NBL1: variants seen among roughly 807,000 people sequenced by gnomAD.
NBL1 encodes the protein NBL1, DAN family BMP antagonist.
NBL1 carries 9 observed loss-of-function variants against 16.0 expected under a neutral mutation model. The ratio of observed to expected loss-of-function variants is 0.56; its 90% CI spans 0.34 to 0.98. The LOEUF is 0.98. Ranked by LOEUF, NBL1 falls within the 50% of genes least tolerant of loss-of-function variation. NBL1 has a pLI of 0.02. For synonymous variants in NBL1, 86 were observed against 100.7 expected (o/e 0.85, Z 0.87); for missense variants, 196 against 243.1 (o/e 0.81, Z 1.29).
intron 1 of NBL1, among the ~76,000 whole-genome samples, chr1:19,651,980 T>C (rs1351916432): frequency 1.3e-5 from 2 of 152,178 alleles, no homozygotes; most frequent in African/African-American, 2.4e-5. Context: ...TGAGTTCAAG[T>C]GGTCCTCCCG....
intron 1 of NBL1, among the ~76,000 whole-genome samples, chr1:19,647,882 T>TGTGTGTGTGTGTGTGTGC (rs1273943458): frequency 2.2e-5 from 3 of 137,082 alleles, no homozygotes; most frequent in Non-Finnish European, 4.7e-5. Flanking sequence ...TGTGTGTGTG[T>TGTGTGTGTGTGTGTGTGC]GCGTGTGCGC....
chr1:19,657,165 G>A lies in NBL1; in HGVS notation c.*36G>A, dbSNP rs1048720493. 5.2e-6 allele frequency: 5 copies of A among 964,148 alleles called. No individual in the cohort carries two copies. In the African/African-American group the frequency reaches 6.6e-5, roughly 13 times the overall value. 59.7% of individuals were successfully genotyped at this position (964,148 alleles called of 1,614,324 possible). A position where few individuals can be genotyped will look rare whatever the true frequency, so the allele number is the denominator to read the frequency against. The stretch of plus-strand genomic sequence containing the variant: ...ACTCTTCCTCCCCTCTCATCCCCCT[G>A]TGGAATGTTGGGTCTCACTCTCTGG... On this transcript the variant is annotated 3_prime_UTR_variant, in exon 4 of 4. Transcript: ENST00000375136.
intron 1 of NBL1, among the ~76,000 whole-genome samples, chr1:19,647,288 T>C (rs1389445105): frequency 6.6e-6 from 1 of 152,144 alleles, no homozygotes; most frequent in Non-Finnish European, 1.5e-5. Context: ...TAGCTGGGCA[T>C]GGTGGTGTAT....
At chr1:19,643,269 G>A (rs1227407198), upstream of NBL1, 1 of 1,591,066 alleles carries the variant, frequency 6.3e-7, no homozygotes, top group Non-Finnish European at 8.6e-7. This position sits in a 1 kb window ranked among gnomAD's most constrained non-coding sequence, Gnocchi z 4.7. Flanking sequence ...GTAGGCTGGA[G>A]TACACCAGGG....
chr1:19,644,347 G>T lies in NBL1; in HGVS notation c.-119G>T. 1 of 978,582 alleles carries T rather than the reference G, an allele frequency of 1.0e-6. No individual in the cohort carries two copies. The highest frequency in any genetic ancestry group is 1.8e-5 in the African/African-American group (1 of 56,608). 60.6% of individuals were successfully genotyped at this position (978,582 alleles called of 1,614,324 possible). A position where few individuals can be genotyped will look rare whatever the true frequency, so the allele number is the denominator to read the frequency against. On this transcript the variant is annotated 5_prime_UTR_variant, in exon 1 of 4. Transcript: ENST00000375136. This position sits in a 1 kb window ranked among gnomAD's most constrained non-coding sequence, Gnocchi z 4.6. Reference sequence around the variant, plus strand: ...GCAGCGCAGCCCAGCCGAGCGTCGCGGGGCCGCCCCCCGCCCTGCCGGCCG... The same window carrying T: ...GCAGCGCAGCCCAGCCGAGCGTCGCTGGGCCGCCCCCCGCCCTGCCGGCCG...
At chr1:19,646,183 G>A in intron 1 of NBL1, 1 of 981,054 alleles carries the variant, frequency 1.0e-6, no homozygotes. Flanking sequence ...AAGGAAGGAA[G>A]GAAAAGCCAC....
chr1:19,643,397 G>C, upstream of NBL1: 1 of 1,613,674 alleles, frequency 6.2e-7, no homozygotes, highest in Non-Finnish European at 8.5e-7. This position sits in a 1 kb window ranked among gnomAD's most constrained non-coding sequence, Gnocchi z 4.7. Flanking sequence ...CATGGACACA[G>C]GTAACTATGC....
intron 1 of NBL1, among the ~76,000 whole-genome samples, chr1:19,649,518 C>T (rs2095009137): frequency 6.6e-6 from 1 of 152,008 alleles, no homozygotes; most frequent in African/African-American, 2.4e-5. Context: ...GCCACCACAC[C>T]CGGCTAGTTT....
At chr1:19,651,827 T>C (rs1230289545) in intron 1 of NBL1, among the ~76,000 whole-genome samples, 1 of 152,200 alleles carries the variant, frequency 6.6e-6, no homozygotes, top group Non-Finnish European at 1.5e-5. Flanking sequence ...CCCACATAGC[T>C]GGACTACAGG....
At chr1:19,646,477 G>T (rs529910841) in intron 1 of NBL1, among the ~76,000 whole-genome samples, 180 of 152,326 alleles carry the variant, frequency 1.2e-3, no homozygotes, top group African/African-American at 4.1e-3. Context: ...GCTGACCAGA[G>T]CCGGGGCCTG....
intron 1 of NBL1, among the ~76,000 whole-genome samples, chr1:19,651,225 CA>C (rs2095023380): frequency 6.6e-6 from 1 of 152,206 alleles, no homozygotes; most frequent in African/African-American, 2.4e-5. Flanking sequence ...TCCACGCTTC[CA>C]GGGGGAGCCC....
intron 1 of NBL1, chr1:19,645,631 C>G (rs1047475804): frequency 5.3e-6 from 6 of 1,131,848 alleles, no homozygotes; most frequent in Non-Finnish European, 6.6e-6. Flanking sequence ...TCCCTAGACT[C>G]CCCCAGATGC....
upstream of NBL1, chr1:19,643,620 A>G (rs531376627): frequency 2.2e-6 from 3 of 1,363,582 alleles, no homozygotes; most frequent in Non-Finnish European, 1.9e-6. The surrounding 1 kb of genome is among the most constrained non-coding windows in gnomAD (Gnocchi z 4.7). Context: ...CCCAGGAGTC[A>G]GAGAAGTGAG....
chr1:19,652,460 G>GT (rs2095031589), intron 1 of NBL1, among the ~76,000 whole-genome samples: 1 of 121,178 alleles, frequency 8.3e-6, no homozygotes. Context: ...TTGGGAGGCG[G>GT]CGGGGGGGCA....
rs1159732930 is a variant in NBL1, at chr1:19,644,875, T to G, written c.-20+429T>G. On this transcript the variant is annotated intron_variant, in intron 1 of 3. Transcript: ENST00000375136. This position sits in a 1 kb window ranked among gnomAD's most constrained non-coding sequence, Gnocchi z 4.6. ...TTCCGCCTCCCGCGGCCCCCTCTGC[T>G]TCGGTCCCCACGTCCGTGTGTCTGT... Among the ~76,000 whole-genome samples, 1 of 151,910 alleles carries G rather than the reference T, an allele frequency of 6.6e-6. No individual in the cohort carries two copies. Among genetic ancestry groups the G allele is most frequent in the African/African-American group, 2.4e-5 (1 of 41,346 alleles).
chr1:19,649,908 A>T (rs1295183228), intron 1 of NBL1, among the ~76,000 whole-genome samples: 1 of 151,944 alleles, frequency 6.6e-6, no homozygotes, highest in Non-Finnish European at 1.5e-5. Context: ...CAATTCTCTC[A>T]CCTTGGCCTC....
rs941995379 is a variant in NBL1, at chr1:19,644,438, G to A, written c.-28G>A. ...GCACCCAGCTCCGCAGGACCGGCGGGCGCGCGCGGTAAGTCCCGCCCGGGT... is the reference window on the plus strand; with the variant it reads ...GCACCCAGCTCCGCAGGACCGGCGGACGCGCGCGGTAAGTCCCGCCCGGGT... On this transcript the variant is annotated 5_prime_UTR_variant, in exon 1 of 4. Transcript: ENST00000375136. This position sits in a 1 kb window ranked among gnomAD's most constrained non-coding sequence, Gnocchi z 4.6. The A allele has an allele frequency of 1.0e-6, 1 of 979,178 alleles. No homozygotes were observed. Among genetic ancestry groups the A allele is most frequent in the African/African-American group, 1.8e-5 (1 of 56,580 alleles). 60.7% of individuals were successfully genotyped at this position (979,178 alleles called of 1,614,324 possible).
At chr1:19,643,691 A>G (rs2094960784), upstream of NBL1, 1 of 1,188,914 alleles carries the variant, frequency 8.4e-7, no homozygotes, top group South Asian at 1.8e-5. This position sits in a 1 kb window ranked among gnomAD's most constrained non-coding sequence, Gnocchi z 4.7. Flanking sequence ...TGCTTAAGCC[A>G]AGGGCGTGGG....
intron 1 of NBL1, among the ~76,000 whole-genome samples, chr1:19,653,775 C>T (rs574144415): frequency 8.7e-4 from 133 of 152,390 alleles, no homozygotes; most frequent in Middle Eastern, 3.4e-3. Context: ...GCCTCCCTCT[C>T]CCGTGCTTTT....
Sources: gnomAD v4.1 joint callset for allele counts (sites outside exome capture counted in the v4.1 genomes callset) on GRCh38, gnomAD v4.1.1 for gene constraint, Gnocchi (gnomAD v3.1) non-coding constraint, MANE v1.5 for transcripts, NCBI Gene and HGNC (gene_info 2026-07-23, HGNC 2026-07-21) for gene names.